ITGA4: variants seen among roughly 807,000 people sequenced by gnomAD.
ITGA4 encodes integrin subunit alpha 4.
In ITGA4, 63 loss-of-function variants were observed where a neutral mutation model predicts 133.6. That is an observed-to-expected ratio of 0.47 (90% CI 0.38 to 0.58). The LOEUF (loss-of-function observed/expected upper bound fraction) is 0.58. Among genes scored for constraint, ITGA4 ranks in the 20% least tolerant of loss-of-function variants. ITGA4 has a pLI of 0.00. For synonymous variants in ITGA4, 483 were observed against 438.0 expected (o/e 1.10, Z -1.28); for missense variants, 1,076 against 1,252.7 (o/e 0.86, Z 2.13).
chr2:181,487,905 T>G (rs1388733266), intron 10 of ITGA4, among the ~76,000 whole-genome samples: 1 of 152,210 alleles, frequency 6.6e-6, no homozygotes, highest in Non-Finnish European at 1.5e-5. Flanking sequence ...GCATTTTGAT[T>G]TGTCATGTGT....
chr2:181,492,720 C>T (rs973621170), intron 10 of ITGA4, among the ~76,000 whole-genome samples: 1 of 152,102 alleles, frequency 6.6e-6, no homozygotes, highest in Non-Finnish European at 1.5e-5. Flanking sequence ...TTTTACAGAA[C>T]AAATCCTTTT....
In ITGA4 at chr2:181,530,628, C is replaced by G; in HGVS notation, c.2643C>G (p.Ser881=). ...TGAAAGGCATAGTCCGGTTCTTGTC[C>G]AAGACTGATAAGAGGCTATTGGTAA... is the stretch of plus-strand genomic sequence containing the variant. ...QTLKGIVRFL[S]KTDKRLLYCI... Residue 881 remains serine (S), a synonymous_variant, in exon 24 of 28, where the codon TCC becomes TCG. Transcript: ENST00000397033. 1 of 1,612,132 alleles carries G rather than the reference C, an allele frequency of 6.2e-7. No individual in the cohort carries two copies. The highest frequency in any genetic ancestry group is 8.5e-7 in the Non-Finnish European group (1 of 1,178,652).
At position 181,538,156 on chromosome 2, in the gene ITGA4, G is replaced by A. The variant is rs1342955139; in HGVS notation, c.*2629G>A. 1.4e-6 allele frequency: 2 copies of A among 1,430,636 alleles called. No individual in the cohort carries two copies. The highest frequency in any genetic ancestry group is 2.0e-6 in the Non-Finnish European group (2 of 1,018,098). The allele number at this position is 1,430,636 out of a possible 1,614,324, so 88.6% of individuals were successfully genotyped here. On this transcript the variant is annotated 3_prime_UTR_variant, in exon 28 of 28. Coordinates refer to ENST00000397033, the MANE Select transcript of ITGA4 (RefSeq NM_000885.6). Reference sequence around the variant, plus strand: ...TTTCTTTATATTAAAATTCTAGTTTGTACATTTCTTTTAGAAACAATTACA... The same window carrying A: ...TTTCTTTATATTAAAATTCTAGTTTATACATTTCTTTTAGAAACAATTACA...
chr2:181,532,288 G>A (rs185958018), intron 25 of ITGA4, among the ~76,000 whole-genome samples: 36 of 152,250 alleles, frequency 2.4e-4, no homozygotes, highest in African/African-American at 5.5e-4. Flanking sequence ...CTAATTCTGT[G>A]AAGAAAGTCA....
At position 181,485,975 on chromosome 2, in the gene ITGA4, A is replaced by G. The variant is rs1323477969; in HGVS notation, c.1136A>G (p.Asp379Gly). 1 of 1,597,270 alleles carries G rather than the reference A, an allele frequency of 6.3e-7. No homozygotes were observed. ...TCTATAGTTAATCTTGGCGACATTGACAATGATGGCTTTGAAGGTAATTAA... is the reference window on the plus strand; with the variant it reads ...TCTATAGTTAATCTTGGCGACATTGGCAATGATGGCTTTGAAGGTAATTAA... The part of the protein sequence containing the change: ...GESIVNLGDI[D>G]NDGFEDVAIG... The change falls in exon 10 of 28, where the codon GAC becomes GGC. Residue 379 changes from aspartate (D) to glycine (G), a missense_variant. By Grantham distance (94) the Asp-to-Gly change is moderately conservative (BLOSUM62 -1). This residue lies in a region of ITGA4 where 436 missense variants were observed against 590.7 expected (regional missense o/e 0.74). Transcript: ENST00000397033.
At chr2:181,466,538 G>A (rs155148) in intron 2 of ITGA4, among the ~76,000 whole-genome samples, 135,168 of 152,126 alleles carry the variant, frequency 0.89, 60,151 homozygotes, top group African/African-American at 0.91. Context: ...CTAGAAGTTT[G>A]GTACTTTTAT....
chr2:181,482,760 A>C lies in ITGA4; in HGVS notation c.1041+109A>C, dbSNP rs1194315149. The C allele has an allele frequency of 5.9e-6, 6 of 1,020,132 alleles. No homozygotes were observed. In the Admixed American group the frequency reaches 1.2e-4, roughly 20 times the overall value. The allele number at this position is 1,020,132 out of a possible 1,614,324, so 63.2% of individuals were successfully genotyped here. A position where few individuals can be genotyped will look rare whatever the true frequency, so the allele number is the denominator to read the frequency against. ...GTTTTCAGGTTTCTTTTATTGACAA[A>C]AGTTAAAATTCTAATACTGTACTGA... On this transcript the variant is annotated intron_variant, in intron 9 of 27. Transcript: ENST00000397033.
intron 2 of ITGA4, among the ~76,000 whole-genome samples, chr2:181,470,654 A>G (rs1000595536): frequency 2.0e-5 from 3 of 152,302 alleles, no homozygotes; most frequent in African/African-American, 4.8e-5. Context: ...GGAGAAGGCC[A>G]TGATCACAAG....
intron 22 of ITGA4, 55 bp downstream of exon 22, chr2:181,527,442 T>G: frequency 1.7e-6 from 2 of 1,179,688 alleles, no homozygotes; most frequent in East Asian, 4.8e-5. Context: ...ATGTCACTGA[T>G]GCATTGCTCC....
At chr2:181,462,939 G>A (rs756772195) in intron 2 of ITGA4, among the ~76,000 whole-genome samples, 2 of 152,138 alleles carry the variant, frequency 1.3e-5, no homozygotes, top group Admixed American at 6.6e-5. Context: ...CTGAACCTGG[G>A]CATACAAAAG....
intron 4 of ITGA4, among the ~76,000 whole-genome samples, chr2:181,476,826 A>T (rs762876013): frequency 1.3e-5 from 2 of 152,194 alleles, no homozygotes; most frequent in Non-Finnish European, 1.5e-5. Context: ...AGCAACTTAT[A>T]TGGAGCTGGA....
Position 181,477,714 on chromosome 2 carries a change from T to C in ITGA4, c.557-1043T>C, listed in dbSNP as rs141292394. ...GAGATAACAAGTGTTGGCGAAGGTG[T>C]GAAGAAAAGGGAACCCTTGCACACT... On this transcript the variant is annotated intron_variant, in intron 4 of 27. Coordinates refer to ENST00000397033, the MANE Select transcript of ITGA4 (RefSeq NM_000885.6). 6.3e-3 allele frequency among the ~76,000 whole-genome samples: 955 copies of C among 152,148 alleles called. 2 individuals carry two copies. The highest frequency in any genetic ancestry group is 0.01 in the Non-Finnish European group (696 of 67,952).
Position 181,538,281 on chromosome 2 carries a change from GTTGT to G in ITGA4, c.*2757_*2760del. 3 of 1,342,986 alleles carry G rather than the reference GTTGT, an allele frequency of 2.2e-6. No homozygotes were observed. The highest frequency in any genetic ancestry group is 3.2e-6 in the Non-Finnish European group (3 of 936,426). The allele number at this position is 1,342,986 out of a possible 1,614,324, so 83.2% of individuals were successfully genotyped here. ...ATACATTATTTCATCAACTTATTTT[GTTGT>G]TTTTCACATACACCTAATAAGTATG... On this transcript the variant is annotated 3_prime_UTR_variant, in exon 28 of 28. Transcript: ENST00000397033.
rs1438303555 is a variant in ITGA4, at chr2:181,523,153, C to T, written c.2074-284C>T. On this transcript the variant is annotated intron_variant, in intron 18 of 27. Transcript: ENST00000397033. This position sits in a 1 kb window ranked among gnomAD's most constrained non-coding sequence, Gnocchi z 4.2. ...GAGAATCTGTTTGAATACTAGAGTACACACATATATGTATATACACACACA... is the reference window on the plus strand; with the variant it reads ...GAGAATCTGTTTGAATACTAGAGTATACACATATATGTATATACACACACA... Among the ~76,000 whole-genome samples the T allele has an allele frequency of 1.3e-5, 2 of 151,722 alleles. No individual in the cohort carries two copies. Among genetic ancestry groups the T allele is most frequent in the Admixed American group, 6.6e-5 (1 of 15,226 alleles).
rs1456663982 is a variant in ITGA4, at chr2:181,482,395, T to C, written c.876T>C (p.Asn292=). Residue 292 remains asparagine (N), a synonymous_variant, in exon 8 of 28, where the codon AAT becomes AAC. Coordinates refer to ENST00000397033, the MANE Select transcript of ITGA4 (RefSeq NM_000885.6). Reference sequence around the variant, plus strand: ...TCAGCATTGATGAAAAAGAACTAAATATCTTACATGAAATGAAAGGTAAAA... The same window carrying C: ...TCAGCATTGATGAAAAAGAACTAAACATCTTACATGAAATGAAAGGTAAAA... ...YIFSIDEKEL[N]ILHEMKGKKL... 2 of 1,612,936 alleles carry C rather than the reference T, an allele frequency of 1.2e-6. No individual in the cohort carries two copies. Among genetic ancestry groups the C allele is most frequent in the African/African-American group, 2.7e-5 (2 of 74,868 alleles).
chr2:181,511,798 C>T, intron 17 of ITGA4, 23 bp downstream of exon 17: 1 of 1,159,354 alleles, frequency 8.6e-7, no homozygotes, highest in Non-Finnish European at 1.3e-6. Context: ...GGTATATAGT[C>T]TCTGTTATTC....
intron 4 of ITGA4, among the ~76,000 whole-genome samples, chr2:181,476,542 C>A (rs1685681459): frequency 6.6e-6 from 1 of 152,118 alleles, no homozygotes; most frequent in Non-Finnish European, 1.5e-5. Context: ...TTGGAAGAAG[C>A]AAAGCTTTGC....
In ITGA4 at chr2:181,523,599, T is replaced by C; in HGVS notation, c.2169+67T>C. On this transcript the variant is annotated intron_variant, in intron 19 of 27. Transcript: ENST00000397033. The surrounding 1 kb of genome is among the most constrained non-coding windows in gnomAD (Gnocchi z 4.2). The stretch of plus-strand genomic sequence containing the variant: ...TATTTTTTTCTATTCTTCCCTATCT[T>C]TAGGTTGCATAGAAAATATTATAAA... 1.2e-6 allele frequency: 1 copy of C among 829,882 alleles called. No individual in the cohort carries two copies. Among genetic ancestry groups the C allele is most frequent in the Non-Finnish European group, 2.0e-6 (1 of 494,382 alleles). The allele number at this position is 829,882 out of a possible 1,614,324, so 51.4% of individuals were successfully genotyped here.
Position 181,495,083 on chromosome 2 carries a change from TA to T in ITGA4, c.1339+272del, listed in dbSNP as rs1398808298. 6.6e-6 allele frequency among the ~76,000 whole-genome samples: 1 copy of T among 152,230 alleles called. No homozygotes were observed. Among genetic ancestry groups the T allele is most frequent in the Non-Finnish European group, 1.5e-5 (1 of 68,036 alleles). On this transcript the variant is annotated intron_variant, in intron 12 of 27. Coordinates refer to ENST00000397033, the MANE Select transcript of ITGA4 (RefSeq NM_000885.6). This position sits in a 1 kb window ranked among gnomAD's most constrained non-coding sequence, Gnocchi z 4.3. ...ATATGAGGAAAAGAAAGAAAATTTTTATTTAGAAAAATTTGAGTGAATGTTT... is the reference window on the plus strand; with the variant it reads ...ATATGAGGAAAAGAAAGAAAATTTTTTTTAGAAAAATTTGAGTGAATGTTT...
Sources: allele counts gnomAD v4.1 joint callset (sites outside exome capture counted in the v4.1 genomes callset), GRCh38; gene constraint gnomAD v4.1.1; regional missense constraint gnomAD v4.1.1; non-coding constraint Gnocchi (gnomAD v3.1); transcripts MANE v1.5; gene names NCBI Gene and HGNC (gene_info 2026-07-23, HGNC 2026-07-21).